DIP2B: variants seen among roughly 807,000 people sequenced by gnomAD.
The protein encoded by DIP2B is disco-interacting protein 2 homolog B.
A neutral mutation model predicts 198.0 loss-of-function variants in DIP2B; 76 were observed. The ratio of observed to expected loss-of-function variants is 0.38; its 90% CI spans 0.32 to 0.46. The LOEUF (loss-of-function observed/expected upper bound fraction) is 0.46. Ranked by LOEUF, DIP2B falls within the 20% of genes least tolerant of loss-of-function variation. The pLI is 0.99. For missense variants in DIP2B, 1,559 were observed against 1,978.4 expected, an observed-to-expected ratio of 0.79 and a Z score of 4.02; for synonymous variants, 701 against 739.1, an observed-to-expected ratio of 0.95 and a Z score of 0.84.
chr12:50,518,721 T>C (rs1958088472), intron 1 of DIP2B, among the ~76,000 whole-genome samples: 1 of 148,532 alleles, frequency 6.7e-6, no homozygotes, highest in African/African-American at 2.5e-5. Context: ...ATGTCTCATT[T>C]TCCTTAGGAT....
chr12:50,698,274 AT>A, intron 17 of DIP2B, 53 bp from the exon 18 acceptor site: 1 of 1,565,508 alleles, frequency 6.4e-7, no homozygotes. Flanking sequence ...ATGTATTTGT[AT>A]TTTTCCCTTG....
chr12:50,550,069 C>G (rs1958414408), intron 1 of DIP2B, among the ~76,000 whole-genome samples: 1 of 152,106 alleles, frequency 6.6e-6, no homozygotes, highest in Non-Finnish European at 1.5e-5. Context: ...CTGCTTTAAC[C>G]AGCGGGATGG....
At position 50,728,587 on chromosome 12, in the gene DIP2B, A is replaced by G; in HGVS notation, c.3550A>G (p.Lys1184Glu). Residue 1184 changes from lysine to glutamate, a missense_variant, in exon 30 of 38, where the codon AAG (lysine) becomes GAG (glutamate). Coordinates refer to ENST00000301180, the MANE Select transcript of DIP2B (RefSeq NM_173602.3). ...SAVNALCRAI[K>E]LQCELYSSRQ... is the part of the protein sequence containing the mutation. ...AGTGAACGCTCTGTGTCGAGCCATCAAGCTCCAGTGTGAGTTGTACTCTTC... is the reference window on the plus strand; with the variant it reads ...AGTGAACGCTCTGTGTCGAGCCATCGAGCTCCAGTGTGAGTTGTACTCTTC... The G allele has an allele frequency of 6.2e-7, 1 of 1,614,106 alleles. No homozygotes were observed. Among genetic ancestry groups the G allele is most frequent in the Non-Finnish European group, 8.5e-7 (1 of 1,179,994 alleles).
At chr12:50,629,190 T>G (rs1268817282) in intron 2 of DIP2B, among the ~76,000 whole-genome samples, 1 of 152,190 alleles carries the variant, frequency 6.6e-6, no homozygotes, top group Non-Finnish European at 1.5e-5. Flanking sequence ...CCTACTCTTC[T>G]TATTTTCTTA....
At chr12:50,591,238 T>G (rs190414492) in intron 1 of DIP2B, among the ~76,000 whole-genome samples, 1 of 152,226 alleles carries the variant, frequency 6.6e-6, no homozygotes, top group Non-Finnish European at 1.5e-5. Flanking sequence ...ATAATCTGTT[T>G]TACTTCTCCA....
intron 30 of DIP2B, among the ~76,000 whole-genome samples, chr12:50,729,355 T>C (rs1433436781): frequency 6.6e-6 from 1 of 152,228 alleles, no homozygotes; most frequent in Non-Finnish European, 1.5e-5. Context: ...GTCCTTTGGC[T>C]CGGTTGTGCT....
intron 1 of DIP2B, among the ~76,000 whole-genome samples, chr12:50,589,397 A>C (rs188744428): frequency 6.6e-6 from 1 of 151,730 alleles, no homozygotes; most frequent in African/African-American, 2.4e-5. Context: ...GGGTTTCACC[A>C]TGTTGGCCAG....
intron 1 of DIP2B, among the ~76,000 whole-genome samples, chr12:50,511,155 A>T (rs1958011960): frequency 2.0e-5 from 3 of 151,066 alleles, no homozygotes; most frequent in African/African-American, 7.3e-5. Context: ...CCAGTTGACC[A>T]GGCTGGTCTC....
chr12:50,704,308 CA>C, intron 20 of DIP2B, 88 bp downstream of exon 20: 1 of 1,280,840 alleles, frequency 7.8e-7, no homozygotes, highest in Non-Finnish European at 1.1e-6. Flanking sequence ...CTGATTAGTC[CA>C]AGAGTGTTAC....
chr12:50,636,112 C>G (rs1218445798), intron 2 of DIP2B, among the ~76,000 whole-genome samples: 1 of 152,084 alleles, frequency 6.6e-6, no homozygotes, highest in African/African-American at 2.4e-5. Context: ...TAAGAGAGCT[C>G]TAAACAAAGT....
chr12:50,736,960 G>A (rs953622998), intron 34 of DIP2B, 76 bp from the exon 35 acceptor site: 1 of 1,441,938 alleles, frequency 6.9e-7, no homozygotes, highest in Admixed American at 1.7e-5. Flanking sequence ...TCTCCAGCAG[G>A]TAACTAACCG....
intron 3 of DIP2B, among the ~76,000 whole-genome samples, chr12:50,647,545 C>T (rs904103651): frequency 1.2e-4 from 18 of 152,126 alleles, no homozygotes; most frequent in African/African-American, 2.4e-4. Flanking sequence ...AGAAGTTAGT[C>T]GTTGCTGCCT....
rs919025453 is a variant in DIP2B at position 50,558,091 on chromosome 12, G to A, written c.100+52851G>A. Reference sequence around the variant, plus strand: ...ATAAATTATCACGTTTCAGCTGAGCGCGGTAGCGTCCTAAGCCTGTAATTC... The same window carrying A: ...ATAAATTATCACGTTTCAGCTGAGCACGGTAGCGTCCTAAGCCTGTAATTC... On this transcript the variant is annotated intron_variant, in intron 1 of 37. Coordinates refer to ENST00000301180, the MANE Select transcript of DIP2B (RefSeq NM_173602.3). Among the ~76,000 whole-genome samples the A allele has an allele frequency of 3.9e-3, 40 of 10,244 alleles. No individual in the cohort carries two copies. In the South Asian group the frequency reaches 0.46, roughly 117 times the overall value. The allele number at this position is 10,244 out of a possible 152,430, so 6.7% of individuals were successfully genotyped here.
intron 13 of DIP2B, 147 bp downstream of exon 13, chr12:50,691,298 C>A: frequency 1.3e-6 from 1 of 789,450 alleles, no homozygotes; most frequent in Non-Finnish European, 1.9e-6. Context: ...TTGTTTTCTT[C>A]TTCTCAAAAA....
intron 1 of DIP2B, among the ~76,000 whole-genome samples, chr12:50,524,844 C>CATG (rs1368642719): frequency 6.6e-6 from 1 of 152,192 alleles, no homozygotes; most frequent in African/African-American, 2.4e-5. Context: ...TCCTCCCCCT[C>CATG]AGCCTGCTGA....
At chr12:50,704,886 C>T (rs1939486252) in intron 20 of DIP2B, among the ~76,000 whole-genome samples, 1 of 152,034 alleles carries the variant, frequency 6.6e-6, no homozygotes, top group Non-Finnish European at 1.5e-5. Context: ...ATCGCTTAAA[C>T]CCAGGAGGTG....
intron 1 of DIP2B, among the ~76,000 whole-genome samples, chr12:50,554,734 G>A (rs10876056): frequency 0.26 from 39,159 of 151,530 alleles, 5,643 homozygotes; most frequent in East Asian, 0.39. Context: ...TTGGTTGAGT[G>A]CATCTCTGAA....
At chr12:50,505,621 C>G (rs759352327) in intron 1 of DIP2B, among the ~76,000 whole-genome samples, 1 of 152,144 alleles carries the variant, frequency 6.6e-6, no homozygotes, top group Non-Finnish European at 1.5e-5. Flanking sequence ...CTTTCCTCTC[C>G]CCTTTTCGTG....
intron 36 of DIP2B, among the ~76,000 whole-genome samples, chr12:50,741,057 G>C (rs1054043732): frequency 6.6e-6 from 1 of 152,188 alleles, no homozygotes; most frequent in African/African-American, 2.4e-5. Flanking sequence ...CACCTCAGCT[G>C]TAAGGATCTT....
Sources: gnomAD v4.1 joint callset for allele counts (sites outside exome capture counted in the v4.1 genomes callset) on GRCh38, gnomAD v4.1.1 for gene constraint, MANE v1.5 for transcripts, NCBI Gene and HGNC (gene_info 2026-07-23, HGNC 2026-07-21) for gene names.